CCNE1: variants seen among roughly 807,000 people sequenced by gnomAD.
CCNE1 encodes the protein cyclin E1.
In CCNE1, 8 loss-of-function variants were observed where a neutral mutation model predicts 54.1. The observed-to-expected ratio is 0.15, with a 90% CI of 0.09 to 0.27. The LOEUF (loss-of-function observed/expected upper bound fraction) is 0.27, where lower values mean the gene tolerates loss of function less well. Among genes scored for constraint, CCNE1 ranks in the 10% least tolerant of loss-of-function variants. CCNE1 has a pLI of 1.00. For missense variants in CCNE1, 430 were observed against 514.9 expected, an observed-to-expected ratio of 0.84 and a Z score of 1.60; for synonymous variants, 179 against 185.2, an observed-to-expected ratio of 0.97 and a Z score of 0.27.
intron 3 of CCNE1, 21 bp from the exon 4 acceptor site, chr19:29,812,948 A>T (rs779967192): frequency 2.1e-5 from 34 of 1,613,794 alleles, no homozygotes; most frequent in Non-Finnish European, 2.9e-5. Flanking sequence ...CCTTGGGGTC[A>T]TGGGGGTGGC....
At chr19:29,818,824 G>A (rs1257069154) in intron 6 of CCNE1, among the ~76,000 whole-genome samples, 1 of 149,986 alleles carries the variant, frequency 6.7e-6, no homozygotes, top group Non-Finnish European at 1.5e-5. Context: ...ATGCAATGGT[G>A]TGATCTTGGC....
At chr19:29,823,510 C>A in intron 11 of CCNE1, 145 bp from the exon 12 acceptor site, 2 of 531,988 alleles carry the variant, frequency 3.8e-6, no homozygotes, top group Non-Finnish European at 5.9e-6. Flanking sequence ...GATCCCACCA[C>A]TGTACTACAG....
intron 4 of CCNE1, among the ~76,000 whole-genome samples, chr19:29,815,644 G>T (rs185609275): frequency 2.9e-5 from 4 of 137,112 alleles, no homozygotes; most frequent in East Asian, 2.1e-4. Flanking sequence ...TTTTTTTGGG[G>T]GGGGGACAGA....
chr19:29,820,854 T>G lies in CCNE1; in HGVS notation c.609+6T>G. The G allele has an allele frequency of 6.3e-7, 1 of 1,580,060 alleles. No homozygotes were observed. On this transcript the variant is annotated splice_donor_region_variant and intron_variant, in intron 7 of 11. Coordinates refer to ENST00000262643, the MANE Select transcript of CCNE1 (RefSeq NM_001238.4). ...TTATTGCAGCCAAACTTGAGGTAAA[T>G]AATTTTCAAATATTTGTTCTATAAT...
Position 29,822,122 on chromosome 19 carries a change from A to T in CCNE1, c.832A>T (p.Ile278Phe). The T allele has an allele frequency of 6.2e-7, 1 of 1,613,472 alleles. No individual in the cohort carries two copies. Among genetic ancestry groups the T allele is most frequent in the Non-Finnish European group, 8.5e-7 (1 of 1,179,744 alleles). Reference protein sequence around the residue: ...PQYPQQIFIQIAELLDLCVLD... With the variant: ...PQYPQQIFIQFAELLDLCVLD... ...GTATCCCCAGCAAATCTTTATACAGATTGCAGAGGTAAGTGGCTCCATCAC... is the reference window on the plus strand; with the variant it reads ...GTATCCCCAGCAAATCTTTATACAGTTTGCAGAGGTAAGTGGCTCCATCAC... The change falls in exon 9 of 12, where the codon ATT becomes TTT. Residue 278 changes from isoleucine to phenylalanine, a missense_variant. Coordinates refer to ENST00000262643, the MANE Select transcript of CCNE1 (RefSeq NM_001238.4).
intron 1 of CCNE1, 68 bp downstream of exon 1, chr19:29,812,220 G>T: frequency 6.4e-6 from 1 of 155,728 alleles, no homozygotes; most frequent in East Asian, 1.8e-4. Flanking sequence ...GAGCTGGGTG[G>T]GGGCGGGGTG....
chr19:29,819,169 G>A (rs1198787632), intron 6 of CCNE1, among the ~76,000 whole-genome samples: 3 of 152,056 alleles, frequency 2.0e-5, no homozygotes, highest in African/African-American at 7.2e-5. Context: ...GCTTGAGCCT[G>A]GGAGTTGGAG....
In CCNE1 at chr19:29,818,248, G is replaced by A. The variant is rs531566918; in HGVS notation, c.462+707G>A. On this transcript the variant is annotated intron_variant, in intron 6 of 11. Transcript: ENST00000262643. ...TCACCGTGTTAGCCAGGATGGTCTC[G>A]ATCTCCTGACCTCGTGGTTTGCCCG... Among the ~76,000 whole-genome samples, 3 of 152,188 alleles carry A rather than the reference G, an allele frequency of 2.0e-5. No homozygotes were observed. The South Asian group carries it at 6.2e-4, about 32-fold the overall frequency.
chr19:29,821,500 G>C (rs1019346833), intron 7 of CCNE1, among the ~76,000 whole-genome samples: 5 of 150,898 alleles, frequency 3.3e-5, no homozygotes, highest in Non-Finnish European at 5.9e-5. Context: ...TACCCACAAT[G>C]AGTCAAAGTT....
Position 29,817,134 on chromosome 19 carries a change from C to T in CCNE1, c.181-3C>T, listed in dbSNP as rs755163346. 2 of 1,612,316 alleles carry T rather than the reference C, an allele frequency of 1.2e-6. No homozygotes were observed. Among genetic ancestry groups the T allele is most frequent in the Admixed American group, 3.4e-5 (2 of 59,592 alleles). Reference sequence around the variant, plus strand: ...ACCTCTCCTGTGTATTTTTCATTTACAGCCTTGGGACAATAATGCAGTCTG... The same window carrying T: ...ACCTCTCCTGTGTATTTTTCATTTATAGCCTTGGGACAATAATGCAGTCTG... On this transcript the variant is annotated splice_polypyrimidine_tract_variant and splice_region_variant and intron_variant, in intron 4 of 11. Transcript: ENST00000262643.
chr19:29,821,121 C>T (rs1371277573), intron 7 of CCNE1, among the ~76,000 whole-genome samples: 3 of 151,936 alleles, frequency 2.0e-5, no homozygotes, highest in African/African-American at 7.3e-5. Flanking sequence ...ATTTTGGGCC[C>T]GGGTTGGTGG....
intron 6 of CCNE1, 65 bp from the exon 7 acceptor site, chr19:29,820,637 T>C: frequency 3.7e-6 from 4 of 1,076,942 alleles, no homozygotes; most frequent in Non-Finnish European, 5.3e-6. Context: ...CATTACAAGT[T>C]TTTTTTTTTT....
At chr19:29,818,442 G>C (rs942922416) in intron 6 of CCNE1, among the ~76,000 whole-genome samples, 3 of 152,176 alleles carry the variant, frequency 2.0e-5, no homozygotes, top group Non-Finnish European at 2.9e-5. Context: ...TTACAGGTGT[G>C]AGCCACCATG....
At chr19:29,818,593 C>T (rs555637116) in intron 6 of CCNE1, among the ~76,000 whole-genome samples, 1 of 152,278 alleles carries the variant, frequency 6.6e-6, no homozygotes, top group East Asian at 1.9e-4. Flanking sequence ...TCTTGGAATC[C>T]ATTCCCTTTT....
At chr19:29,823,572 T>C in intron 11 of CCNE1, 83 bp from the exon 12 acceptor site, 1 of 1,294,076 alleles carries the variant, frequency 7.7e-7, no homozygotes, top group South Asian at 1.9e-5. Flanking sequence ...AATTTAAAAA[T>C]TAAAAAAGAA....
In CCNE1 at chr19:29,817,209, C is replaced by T. The variant is rs758728524; in HGVS notation, c.253C>T (p.Arg85Trp). 4.3e-6 allele frequency: 7 copies of T among 1,614,034 alleles called. No homozygotes were observed. Among genetic ancestry groups the T allele is most frequent in the Admixed American group, 3.3e-5 (2 of 59,984 alleles). The change falls in exon 5 of 12, where the codon CGG becomes TGG. Residue 85 changes from arginine (R) to tryptophan (W), a missense_variant. Arg to Trp is a moderately radical substitution (Grantham distance 101). This residue lies in a region of CCNE1 where 303 missense variants were observed against 401.1 expected (regional missense o/e 0.76). Transcript: ENST00000262643. ...IPTPDKEDDD[R>W]VYPNSTCKPR... is the part of the protein sequence containing the mutation. ...CACACCTGACAAAGAAGATGATGAC[C>T]GGGTTTACCCAAACTCAACGTGCAA...
rs780422969 is a variant in CCNE1 at position 29,822,062 on chromosome 19, T to C, written c.772T>C (p.Tyr258His). 33 of 1,613,986 alleles carry C rather than the reference T, an allele frequency of 2.0e-5. No individual in the cohort carries two copies. Among genetic ancestry groups the C allele is most frequent in the Non-Finnish European group, 2.8e-5 (33 of 1,179,914 alleles). Residue 258 changes from tyrosine to histidine, a missense_variant, in exon 9 of 12, where the codon TAT becomes CAT. Tyr to His is a moderately conservative substitution (Grantham distance 83). This residue lies in a region of CCNE1 where 303 missense variants were observed against 401.1 expected (regional missense o/e 0.76). Coordinates refer to ENST00000262643, the MANE Select transcript of CCNE1 (RefSeq NM_001238.4). ...SWLNVYMQVA[Y>H]LNDLHEVLLP... ...GCTGAATGTATACATGCAGGTTGCA[T>C]ATCTAAATGACTTACATGAAGTGCT...
intron 4 of CCNE1, 124 bp downstream of exon 4, chr19:29,813,161 C>T: frequency 1.2e-6 from 1 of 834,550 alleles, no homozygotes; most frequent in Non-Finnish European, 2.0e-6. Context: ...AATGCAGCCA[C>T]AGCCCATATG....
chr19:29,815,622 C>CTTTT lies in CCNE1; in HGVS notation c.181-1500_181-1497dup. On this transcript the variant is annotated intron_variant, in intron 4 of 11. Coordinates refer to ENST00000262643, the MANE Select transcript of CCNE1 (RefSeq NM_001238.4). ...CTTTAGTCAATGTTAATGGTCTCTG[C>CTTTT]TTTTTTTTTTTTTTTTTTGGGGGGG... Among the ~76,000 whole-genome samples the CTTTT allele has an allele frequency of 3.0e-5, 3 of 99,628 alleles. No individual in the cohort carries two copies. In the South Asian group the frequency reaches 1.0e-3, roughly 35 times the overall value. The allele number at this position is 99,628 out of a possible 152,430, so 65.4% of individuals were successfully genotyped here. A position where few individuals can be genotyped will look rare whatever the true frequency, so the allele number is the denominator to read the frequency against.
Sources: allele counts gnomAD v4.1 joint callset (sites outside exome capture counted in the v4.1 genomes callset), GRCh38; gene constraint gnomAD v4.1.1; regional missense constraint gnomAD v4.1.1; transcripts MANE v1.5; gene names NCBI Gene and HGNC (gene_info 2026-07-23, HGNC 2026-07-21).